SLC12A1: variants seen among roughly 807,000 people sequenced by gnomAD.
SLC12A1 encodes solute carrier family 12 member 1.
Under a neutral mutation model 130.4 loss-of-function variants are expected in SLC12A1, and 89 were observed. That is an observed-to-expected ratio of 0.68 (90% confidence interval 0.58 to 0.81). The LOEUF (loss-of-function observed/expected upper bound fraction) is 0.81, where lower values mean the gene tolerates loss of function less well. Ranked by LOEUF, SLC12A1 falls within the 40% of genes least tolerant of loss-of-function variation. The pLI is 0.00. For synonymous variants in SLC12A1, 499 were observed against 460.0 expected (o/e 1.08, Z -1.09); for missense variants, 1,310 against 1,336.4 (o/e 0.98, Z 0.31).
intron 2 of SLC12A1, among the ~76,000 whole-genome samples, chr15:48,209,337 G>A (rs1438276964): frequency 6.6e-6 from 1 of 152,172 alleles, no homozygotes; most frequent in Non-Finnish European, 1.5e-5. Context: ...AAAGTGCTGG[G>A]ATTACAGGTG....
At chr15:48,254,614 A>C (rs1566842793) in intron 15 of SLC12A1, among the ~76,000 whole-genome samples, 2 of 145,096 alleles carry the variant, frequency 1.4e-5, no homozygotes, top group Non-Finnish European at 3.0e-5. Flanking sequence ...AAAAAAAAAA[A>C]AAAAAAAAAA....
chr15:48,223,990 T>C (rs1225454786), intron 4 of SLC12A1: 2 of 152,344 alleles, frequency 1.3e-5, no homozygotes, highest in African/African-American at 4.8e-5. Flanking sequence ...AACCAGCCTT[T>C]AATACCTTGA....
intron 24 of SLC12A1, among the ~76,000 whole-genome samples, chr15:48,296,945 C>A (rs2042183213): frequency 6.6e-6 from 1 of 152,108 alleles, no homozygotes. Flanking sequence ...CCCGTTATCA[C>A]CCCCTGTGTC....
In SLC12A1 at chr15:48,229,455, T is replaced by C. The variant is rs528503584; in HGVS notation, c.864+127T>C. 9 of 902,308 alleles carry C rather than the reference T, an allele frequency of 1.0e-5. No individual in the cohort carries two copies. The East Asian group carries it at 2.2e-4, about 22-fold the overall frequency. The allele number at this position is 902,308 out of a possible 1,614,324, so 55.9% of individuals were successfully genotyped here. A position where few individuals can be genotyped will look rare whatever the true frequency, so the allele number is the denominator to read the frequency against. The stretch of plus-strand genomic sequence containing the variant: ...AAAGTTAAATATAGTGGAAGGAGCC[T>C]GGGCTTGGCATCAGAAGATCTGGCT... On this transcript the variant is annotated intron_variant, in intron 6 of 26. Transcript: ENST00000380993.
At chr15:48,234,788 C>A in intron 8 of SLC12A1, 89 bp from the exon 9 acceptor site, 1 of 1,264,544 alleles carries the variant, frequency 7.9e-7, no homozygotes, top group Non-Finnish European at 1.1e-6. Flanking sequence ...AATGTATTTT[C>A]ATTTAGGACT....
At chr15:48,235,621 C>T (rs569656372) in intron 9 of SLC12A1, among the ~76,000 whole-genome samples, 1 of 152,136 alleles carries the variant, frequency 6.6e-6, no homozygotes, top group South Asian at 2.1e-4. Context: ...GCCTGGGCAA[C>T]ACAGCAAGAC....
intron 5 of SLC12A1, chr15:48,228,986 G>A: frequency 4.4e-6 from 2 of 457,352 alleles, no homozygotes; most frequent in Non-Finnish European, 3.8e-6. Context: ...ATTAAGTCAG[G>A]ATACTTCTAT....
At chr15:48,299,870 A>G (rs1386965375) in intron 25 of SLC12A1, among the ~76,000 whole-genome samples, 1 of 152,202 alleles carries the variant, frequency 6.6e-6, no homozygotes, top group Non-Finnish European at 1.5e-5. Flanking sequence ...TGCAAAGGGC[A>G]GGGGGTCAAC....
chr15:48,257,954 C>T (rs2041726356), intron 16 of SLC12A1, among the ~76,000 whole-genome samples: 1 of 152,182 alleles, frequency 6.6e-6, no homozygotes, highest in Admixed American at 6.5e-5. Context: ...CTCTTGAACA[C>T]TTTGCTGCTT....
At chr15:48,300,601 A>C (rs1192089325) in intron 25 of SLC12A1, among the ~76,000 whole-genome samples, 3 of 152,254 alleles carry the variant, frequency 2.0e-5, no homozygotes, top group Non-Finnish European at 4.4e-5. Flanking sequence ...AGTGAAAAAA[A>C]AGAGACTGAA....
chr15:48,211,107 C>G (rs1053641155), intron 2 of SLC12A1, among the ~76,000 whole-genome samples: 1 of 152,176 alleles, frequency 6.6e-6, no homozygotes, highest in African/African-American at 2.4e-5. Flanking sequence ...TAATAAGCTA[C>G]TCTTTTACAG....
intron 20 of SLC12A1, among the ~76,000 whole-genome samples, chr15:48,279,193 C>A (rs1445775069): frequency 6.6e-6 from 1 of 152,194 alleles, no homozygotes; most frequent in Non-Finnish European, 1.5e-5. Flanking sequence ...ATTTACGACA[C>A]AAACCTCTTA....
At chr15:48,221,517 A>T (rs890746885) in intron 4 of SLC12A1, 1 of 612,040 alleles carries the variant, frequency 1.6e-6, no homozygotes, top group African/African-American at 1.8e-5. Context: ...AAATATTGCC[A>T]GATACAAGCT....
At chr15:48,237,043 G>T in intron 9 of SLC12A1, 2 of 702,488 alleles carry the variant, frequency 2.8e-6, no homozygotes, top group South Asian at 3.0e-5. Flanking sequence ...GTCGAAGGAG[G>T]AGACAGACTT....
At chr15:48,220,166 GA>G (rs2041190655) in intron 2 of SLC12A1, among the ~76,000 whole-genome samples, 1 of 149,710 alleles carries the variant, frequency 6.7e-6, no homozygotes, top group Non-Finnish European at 1.5e-5. Flanking sequence ...TAGATAGATA[GA>G]TAGATAGATA....
intron 24 of SLC12A1, among the ~76,000 whole-genome samples, chr15:48,297,442 C>A (rs1264850874): frequency 6.6e-6 from 1 of 152,140 alleles, no homozygotes; most frequent in Non-Finnish European, 1.5e-5. Flanking sequence ...TGGCATGGAG[C>A]CATTCCCACT....
chr15:48,286,690 C>A (rs1432750247), intron 21 of SLC12A1, among the ~76,000 whole-genome samples: 4 of 152,334 alleles, frequency 2.6e-5, no homozygotes. Context: ...CAAAAGTCAA[C>A]ATGTCAAATT....
Position 48,247,471 on chromosome 15 carries a change from T to G in SLC12A1, c.1684+11T>G. The G allele has an allele frequency of 4.4e-6, 7 of 1,580,544 alleles. No homozygotes were observed. The highest frequency in any genetic ancestry group is 6.0e-6 in the Non-Finnish European group (7 of 1,160,838). ...CATTTATTCTTATTGGTTTGTAAAGTTTTCTTGTTTTTATTGAAAACCAAA... is the reference window on the plus strand; with the variant it reads ...CATTTATTCTTATTGGTTTGTAAAGGTTTCTTGTTTTTATTGAAAACCAAA... On this transcript the variant is annotated intron_variant, in intron 13 of 26. Coordinates refer to ENST00000380993, the MANE Select transcript of SLC12A1 (RefSeq NM_000338.3).
intron 2 of SLC12A1, among the ~76,000 whole-genome samples, chr15:48,217,161 T>C (rs963734349): frequency 6.6e-6 from 1 of 152,230 alleles, no homozygotes; most frequent in Non-Finnish European, 1.5e-5. Flanking sequence ...AACACTCCTG[T>C]GATTCAGTTC....
Sources: gnomAD v4.1 joint callset for allele counts (sites outside exome capture counted in the v4.1 genomes callset) on GRCh38, gnomAD v4.1.1 for gene constraint, MANE v1.5 for transcripts, NCBI Gene and HGNC (gene_info 2026-07-23, HGNC 2026-07-21) for gene names.